KIF24: variants seen among roughly 807,000 people sequenced by gnomAD.
KIF24 encodes kinesin-like protein KIF24.
In KIF24, 81 loss-of-function variants were observed where a neutral mutation model predicts 118.9. That is an observed-to-expected ratio of 0.68 (90% CI 0.57 to 0.82). KIF24 has a LOEUF of 0.82. Ranked by LOEUF, KIF24 falls within the 40% of genes least tolerant of loss-of-function variation. KIF24 has a pLI of 0.00. For missense variants in KIF24, 1,560 were observed against 1,661.6 expected (o/e 0.94, Z 1.06); for synonymous variants, 599 against 610.0 (o/e 0.98, Z 0.27).
At chr9:34,258,062 A>T in intron 10 of KIF24, 81 bp from the exon 11 acceptor site, 2 of 1,066,344 alleles carry the variant, frequency 1.9e-6, no homozygotes, top group Non-Finnish European at 2.8e-6. Context: ...GGAAAACAAA[A>T]ACCAAAGAAA....
intron 1 of KIF24, among the ~76,000 whole-genome samples, chr9:34,311,653 TGTATATAC>T (rs778645093): frequency 0.013 from 1,857 of 140,544 alleles, 14 homozygotes; most frequent in Middle Eastern, 0.03. Flanking sequence ...TATATATACG[TGTATATAC>T]ATATATACGT....
chr9:34,286,841 C>T (rs944142991), intron 5 of KIF24, 137 bp from the exon 6 acceptor site: 2 of 640,526 alleles, frequency 3.1e-6, no homozygotes, highest in Admixed American at 2.5e-5. Context: ...TATCCTCCTC[C>T]CAACCCCACC....
intron 5 of KIF24, 109 bp from the exon 6 acceptor site, chr9:34,286,813 T>C: frequency 1.3e-6 from 1 of 745,046 alleles, no homozygotes; most frequent in Middle Eastern, 2.4e-4. Context: ...AGTTTTCTGT[T>C]TGAGTGGGAT....
chr9:34,291,791 C>CAA (rs71506178), intron 4 of KIF24, among the ~76,000 whole-genome samples: 1 of 140,428 alleles, frequency 7.1e-6, no homozygotes, highest in Admixed American at 7.2e-5. Flanking sequence ...CTGCTTGCAG[C>CAA]AAAAAAAAAA....
chr9:34,260,640 A>G (rs1299241305), intron 9 of KIF24, among the ~76,000 whole-genome samples: 3 of 152,212 alleles, frequency 2.0e-5, no homozygotes, highest in Non-Finnish European at 4.4e-5. Flanking sequence ...AATTAAAAAG[A>G]AACACATTTT....
chr9:34,327,113 T>C (rs1295764778), intron 1 of KIF24, among the ~76,000 whole-genome samples: 1 of 152,182 alleles, frequency 6.6e-6, no homozygotes, highest in Non-Finnish European at 1.5e-5. Flanking sequence ...CAACACGATA[T>C]GAACATCAAA....
chr9:34,285,844 CTTGGGAGGCTGAA>C (rs1261128550), intron 6 of KIF24, among the ~76,000 whole-genome samples: 2 of 143,118 alleles, frequency 1.4e-5, no homozygotes, highest in African/African-American at 5.1e-5. Context: ...TCCCCAGCTA[CTTGGGAGGCTGAA>C]GTGGGAGGCT....
At chr9:34,281,890 C>G (rs1306594384) in intron 6 of KIF24, among the ~76,000 whole-genome samples, 1 of 152,148 alleles carries the variant, frequency 6.6e-6, no homozygotes, top group Non-Finnish European at 1.5e-5. Flanking sequence ...ACTGCGATGG[C>G]TGCATGTTAG....
rs113129219 is a variant in KIF24 at position 34,257,187 on chromosome 9, A to G, written c.2420T>C (p.Leu807Pro). The change falls in exon 11 of 13, where the codon CTG (leucine) becomes CCG (proline). Residue 807 changes from leucine (L) to proline (P), a missense_variant. Leu to Pro is a moderately conservative substitution (Grantham distance 98). Around this residue, in one of 3 missense-constraint regions of KIF24, gnomAD observed 964 missense variants for 988.0 expected, o/e 0.98. Coordinates refer to ENST00000402558, the MANE Select transcript of KIF24 (RefSeq NM_194313.4). ...EGQLTNETPP[L>P]FHSYSENHDG... is the part of the protein sequence containing the mutation. ...ATGGTTTTCAGAGTAAGAGTGGAAC[A>G]GAGGCGGAGTCTCATTCGTGAGCTG... is the stretch of plus-strand genomic sequence containing the variant. 1 of 1,614,054 alleles carries G rather than the reference A, an allele frequency of 6.2e-7. No homozygotes were observed. The highest frequency in any genetic ancestry group is 8.5e-7 in the Non-Finnish European group (1 of 1,179,894).
intron 2 of KIF24, among the ~76,000 whole-genome samples, chr9:34,307,916 G>A (rs1009863799): frequency 1.3e-5 from 2 of 151,622 alleles, no homozygotes; most frequent in Non-Finnish European, 2.9e-5. Flanking sequence ...GGACATATTG[G>A]GATTCAGTGT....
chr9:34,333,049 T>A (rs183598152), upstream of KIF24, among the ~76,000 whole-genome samples: 294 of 152,244 alleles, frequency 1.9e-3, no homozygotes, highest in Non-Finnish European at 3.2e-3. Flanking sequence ...GCTTTCCTCC[T>A]CATCTGGAGG....
intron 1 of KIF24, among the ~76,000 whole-genome samples, chr9:34,316,158 T>C (rs973607087): frequency 2.0e-5 from 3 of 151,924 alleles, no homozygotes; most frequent in Admixed American, 6.6e-5. Flanking sequence ...GAGACCATCC[T>C]GGCCAACATG....
In KIF24 at chr9:34,306,322, A is replaced by G; in HGVS notation, c.743T>C (p.Val248Ala). ...VRRGEINIIT[V>A]EDKETLLVHE... ...CACAAGTAGAGTTTCTTTGTCTTCT[A>G]CAGTAATAATATTAATTTCTCCACG... The change falls in exon 3 of 13, where the codon GTA (valine) becomes GCA (alanine). Residue 248 changes from valine to alanine, a missense_variant. Physicochemically the swap from Val to Ala is moderately conservative, Grantham distance 64 (BLOSUM62 0). Around this residue, in one of 3 missense-constraint regions of KIF24, gnomAD observed 964 missense variants for 988.0 expected, o/e 0.98. Coordinates refer to ENST00000402558, the MANE Select transcript of KIF24 (RefSeq NM_194313.4). 6.2e-7 allele frequency: 1 copy of G among 1,610,120 alleles called. No homozygotes were observed. The highest frequency in any genetic ancestry group is 8.5e-7 in the Non-Finnish European group (1 of 1,176,484).
At chr9:34,301,810 C>T (rs1005201350) in intron 3 of KIF24, among the ~76,000 whole-genome samples, 17 of 151,918 alleles carry the variant, frequency 1.1e-4, no homozygotes, top group African/African-American at 2.7e-4. Context: ...GTACCTCAGC[C>T]TGGGCAACAG....
chr9:34,323,085 A>G (rs1448077106), intron 1 of KIF24, among the ~76,000 whole-genome samples: 3 of 152,180 alleles, frequency 2.0e-5, no homozygotes, highest in African/African-American at 4.8e-5. Context: ...TACTGATCTC[A>G]ACAGAAGACA....
intron 1 of KIF24, chr9:34,319,138 CTAT>C (rs2068737179): frequency 6.4e-7 from 1 of 1,563,822 alleles, no homozygotes; most frequent in South Asian, 1.1e-5. Context: ...TCTACAACTA[CTAT>C]GACAATGAGA....
chr9:34,280,283 CAAAAAAAAAAAAAAAAA>C (rs56387532), intron 6 of KIF24, among the ~76,000 whole-genome samples: 2 of 64,458 alleles, frequency 3.1e-5, no homozygotes, highest in African/African-American at 1.6e-4. Flanking sequence ...GACTCCGTCT[CAAAAAAAAAAAAAAAAA>C]AAAAAAAAAA....
chr9:34,317,010 T>C (rs1258270221), intron 1 of KIF24, among the ~76,000 whole-genome samples: 1 of 150,132 alleles, frequency 6.7e-6, no homozygotes, highest in Non-Finnish European at 1.5e-5. Context: ...AGGTCAGGAG[T>C]TCAAGACCAG....
chr9:34,320,559 G>A (rs1164539287), intron 1 of KIF24, among the ~76,000 whole-genome samples: 4 of 148,030 alleles, frequency 2.7e-5, no homozygotes, highest in East Asian at 2.0e-4. Context: ...TCGGGAGGCC[G>A]AGGCAGGAGA....
Sources: gnomAD v4.1 joint callset for allele counts (sites outside exome capture counted in the v4.1 genomes callset) on GRCh38, gnomAD v4.1.1 for gene constraint, gnomAD v4.1.1 regional missense constraint, MANE v1.5 for transcripts, NCBI Gene and HGNC (gene_info 2026-07-23, HGNC 2026-07-21) for gene names.